The following CTNNA3 variants were observed in gnomAD, a reference collection of about 807,000 sequenced individuals.
The protein encoded by CTNNA3 is catenin alpha-3.
CTNNA3 carries 76 observed loss-of-function variants against 95.7 expected under a neutral mutation model. The observed-to-expected ratio is 0.79, with a 90% confidence interval of 0.66 to 0.96. CTNNA3 has a LOEUF of 0.96. CTNNA3 is among the 40% of genes least tolerant of loss of function. CTNNA3 has a pLI of 0.00. For synonymous variants in CTNNA3, 431 were observed against 374.4 expected (o/e 1.15, Z -1.74); for missense variants, 1,191 against 1,089.8 (o/e 1.09, Z -1.31).
At chr10:66,777,406 G>GT in intron 7 of CTNNA3, among the ~76,000 whole-genome samples, 2 of 152,144 alleles carry the variant, frequency 1.3e-5, no homozygotes, top group African/African-American at 4.8e-5. Context: ...AGAGAAGTAA[G>GT]AAAAGGGAAA....
intron 7 of CTNNA3, among the ~76,000 whole-genome samples, chr10:67,103,294 G>T (rs1385428434): frequency 6.6e-6 from 1 of 151,744 alleles, no homozygotes; most frequent in Non-Finnish European, 1.5e-5. Flanking sequence ...TCTTGACTGA[G>T]GAAAGCATAC....
intron 7 of CTNNA3, among the ~76,000 whole-genome samples, chr10:66,940,804 G>C (rs1168708452): frequency 6.6e-6 from 1 of 152,020 alleles, no homozygotes; most frequent in Non-Finnish European, 1.5e-5. Flanking sequence ...AAACTTATCT[G>C]ATCTTCAGTT....
rs146371401 is a variant in CTNNA3, at chr10:67,434,592, T to C, written c.579+87250A>G. On this transcript the variant is annotated intron_variant, in intron 5 of 17. Coordinates refer to ENST00000433211, the MANE Select transcript of CTNNA3 (RefSeq NM_013266.4). Reference sequence around the variant, plus strand: ...ATCCATATATGTGTGTGTCTGTGTGTATATGTTTAAGCCCATTGTAATAAA... The same window carrying C: ...ATCCATATATGTGTGTGTCTGTGTGCATATGTTTAAGCCCATTGTAATAAA... Among the ~76,000 whole-genome samples, 132 of 152,090 alleles carry C rather than the reference T, an allele frequency of 8.7e-4. No homozygotes were observed. The Middle Eastern group carries it at 0.02, about 24-fold the overall frequency.
At chr10:66,355,544 A>G (rs2092602145) in intron 12 of CTNNA3, among the ~76,000 whole-genome samples, 1 of 152,004 alleles carries the variant, frequency 6.6e-6, no homozygotes, top group African/African-American at 2.4e-5. Flanking sequence ...TTCCATTATT[A>G]TGTTATTTTT....
intron 3 of CTNNA3, among the ~76,000 whole-genome samples, chr10:67,552,869 G>C (rs1841083606): frequency 6.6e-6 from 1 of 152,140 alleles, no homozygotes; most frequent in Non-Finnish European, 1.5e-5. Context: ...TGGCTGCATA[G>C]TATTCCATGA....
At chr10:65,920,658 G>A (rs2077071410) in intron 17 of CTNNA3, 41 bp from the exon 18 acceptor site, 1 of 1,588,116 alleles carries the variant, frequency 6.3e-7, no homozygotes, top group Non-Finnish European at 8.6e-7. Flanking sequence ...TATTCCAGGA[G>A]GTTTTGTTAA....
chr10:67,669,196 G>C (rs1840386861), intron 1 of CTNNA3, among the ~76,000 whole-genome samples: 1 of 152,168 alleles, frequency 6.6e-6, no homozygotes, highest in African/African-American at 2.4e-5. Flanking sequence ...CCAATTGACA[G>C]GTATAGTGCA....
chr10:66,544,706 T>C (rs1269696198), intron 10 of CTNNA3, among the ~76,000 whole-genome samples: 5 of 152,122 alleles, frequency 3.3e-5, no homozygotes, highest in Admixed American at 3.3e-4. Context: ...ATAATTGTGT[T>C]TTGTTTTGCT....
intron 13 of CTNNA3, among the ~76,000 whole-genome samples, chr10:66,157,117 T>C (rs1274353112): frequency 6.6e-6 from 1 of 151,942 alleles, no homozygotes; most frequent in Admixed American, 6.6e-5. Flanking sequence ...TAGTGGTGAT[T>C]TGTGAGACTT....
In CTNNA3 at chr10:67,762,382, CCA is replaced by C. The variant is rs1491342237; in HGVS notation, c.-2+1050_-2+1051del. Among the ~76,000 whole-genome samples the C allele has an allele frequency of 1.5e-3, 224 of 145,206 alleles. 4 individuals carry two copies. The highest frequency in any genetic ancestry group is 5.4e-3 in the African/African-American group (206 of 38,494). ...ATTGTCTTGCTTTCCCCTCCCCCCC[CCA>C]AAAAAAAAAAAGCCCTCTCAAAGTA... is the stretch of plus-strand genomic sequence containing the variant. On this transcript the variant is annotated intron_variant, in intron 1 of 17. Coordinates refer to the CTNNA3 transcript ENST00000684154.
rs548678808 is a variant in CTNNA3, at chr10:66,377,665, C to A, written c.1732+1487G>T. On this transcript the variant is annotated intron_variant, in intron 12 of 17. Transcript: ENST00000433211. ...AATTTTTATTTGTCTAAAAAAAAAA[C>A]CCCTGTTACATTCTTCTTTTACTTA... is the stretch of plus-strand genomic sequence containing the variant. Among the ~76,000 whole-genome samples the A allele has an allele frequency of 4.1e-4, 62 of 149,792 alleles. No homozygotes were observed. The South Asian group carries it at 4.7e-3, about 11-fold the overall frequency.
intron 11 of CTNNA3, among the ~76,000 whole-genome samples, chr10:66,396,017 G>T (rs1455561437): frequency 6.6e-6 from 1 of 151,846 alleles, no homozygotes; most frequent in South Asian, 2.1e-4. Context: ...GTTCCCACTT[G>T]TAAGTGAGAA....
chr10:66,851,863 A>C (rs1843510694), intron 7 of CTNNA3, among the ~76,000 whole-genome samples: 1 of 152,142 alleles, frequency 6.6e-6, no homozygotes, highest in African/African-American at 2.4e-5. Flanking sequence ...AGAACGTACT[A>C]ATACACCAAT....
At chr10:66,044,510 T>C (rs1026320476) in intron 15 of CTNNA3, among the ~76,000 whole-genome samples, 1 of 152,140 alleles carries the variant, frequency 6.6e-6, no homozygotes, top group Admixed American at 6.6e-5. Context: ...TCACTGAAAC[T>C]GCACTTTGCC....
intron 9 of CTNNA3, among the ~76,000 whole-genome samples, chr10:66,691,796 C>T (rs1002572462): frequency 9.2e-5 from 14 of 152,140 alleles, no homozygotes; most frequent in South Asian, 2.1e-4. Flanking sequence ...GCAGCATTCG[C>T]GGTTCACAAA....
chr10:66,640,464 C>T (rs1372550543), intron 9 of CTNNA3, among the ~76,000 whole-genome samples: 2 of 152,112 alleles, frequency 1.3e-5, no homozygotes, highest in Non-Finnish European at 2.9e-5. Flanking sequence ...CCTAAGAGTT[C>T]AGGTAAGGTT....
upstream of CTNNA3, among the ~76,000 whole-genome samples, chr10:67,700,385 G>T (rs1202353447): frequency 6.6e-6 from 1 of 152,162 alleles, no homozygotes; most frequent in Non-Finnish European, 1.5e-5. Context: ...CCCAGTAGGG[G>T]CAGACTGACA....
chr10:65,950,551 A>G (rs2077592521), intron 17 of CTNNA3, among the ~76,000 whole-genome samples: 1 of 152,146 alleles, frequency 6.6e-6, no homozygotes, highest in African/African-American at 2.4e-5. Context: ...ATAGTTGTCA[A>G]ATACATCTTG....
intron 7 of CTNNA3, among the ~76,000 whole-genome samples, chr10:67,088,278 C>T (rs1290312943): frequency 6.6e-6 from 1 of 151,564 alleles, no homozygotes; most frequent in African/African-American, 2.4e-5. Context: ...TTCAGCAAAC[C>T]TTCACTGAAG....
Sources: gnomAD v4.1 joint callset for allele counts (sites outside exome capture counted in the v4.1 genomes callset) on GRCh38, gnomAD v4.1.1 for gene constraint, MANE v1.5 for transcripts, NCBI Gene and HGNC (gene_info 2026-07-23, HGNC 2026-07-21) for gene names.